Variants in TBL3 observed in about 807,000 individuals in gnomAD.
The protein encoded by TBL3 is transducin beta-like protein 3.
Under a neutral mutation model 102.7 loss-of-function variants are expected in TBL3, and 71 were observed. The observed-to-expected ratio is 0.69, with a 90% CI of 0.57 to 0.84. The LOEUF is 0.84. TBL3 is among the 40% of genes least tolerant of loss of function. The pLI is 0.00. For synonymous variants in TBL3, 578 were observed against 477.7 expected, an observed-to-expected ratio of 1.21 and a Z score of -2.74; for missense variants, 1,188 against 1,098.5, an observed-to-expected ratio of 1.08 and a Z score of -1.15.
Position 1,974,621 on chromosome 16 carries a change from A to G in TBL3, c.321A>G (p.Ile107Met). 1 of 1,610,792 alleles carries G rather than the reference A, an allele frequency of 6.2e-7. No homozygotes were observed. Among genetic ancestry groups the G allele is most frequent in the East Asian group, 2.2e-5 (1 of 44,788 alleles). Reference sequence around the variant, plus strand: ...GCGTTACCCGCCTGTGGAAGGCGATACACACGGCCCCCGTGGCCACCATGG... The same window carrying G: ...GCGTTACCCGCCTGTGGAAGGCGATGCACACGGCCCCCGTGGCCACCATGG... ...EGSVTRLWKA[I>M]HTAPVATMAF... Residue 107 changes from isoleucine (I) to methionine (M), a missense_variant, in exon 5 of 22, where the codon ATA (isoleucine) becomes ATG (methionine). By Grantham distance (10) the Ile-to-Met change is conservative. Coordinates refer to ENST00000568546, the MANE Select transcript of TBL3 (RefSeq NM_006453.3).
Position 1,979,212 on chromosome 16 carries a change from G to T in TBL3, c.*527G>T. On this transcript the variant is annotated 3_prime_UTR_variant, in exon 22 of 22. Coordinates refer to ENST00000568546, the MANE Select transcript of TBL3 (RefSeq NM_006453.3). ...GGGCACGGTGGGGGGAGGGGCGGTG[G>T]CCTGGGAGGGTTCAGGGAAGCCCCG... 1 of 1,476,334 alleles carries T rather than the reference G, an allele frequency of 6.8e-7. No individual in the cohort carries two copies. Among genetic ancestry groups the T allele is most frequent in the Non-Finnish European group, 8.9e-7 (1 of 1,120,988 alleles). 91.5% of individuals were successfully genotyped at this position (1,476,334 alleles called of 1,614,324 possible).
At position 1,980,264 on chromosome 16, in the gene TBL3, C is replaced by G; in HGVS notation, c.*1579C>G. ...GGCGCCACCCCGGCAAGACCGCCAG[C>G]CTCCCACTCTCTGCCCCTATTCGCT... On this transcript the variant is annotated 3_prime_UTR_variant, in exon 22 of 22. Transcript: ENST00000568546. 1 of 1,517,328 alleles carries G rather than the reference C, an allele frequency of 6.6e-7. No individual in the cohort carries two copies. Among genetic ancestry groups the G allele is most frequent in the Non-Finnish European group, 8.8e-7 (1 of 1,130,270 alleles). The allele number at this position is 1,517,328 out of a possible 1,614,324, so 94.0% of individuals were successfully genotyped here. A position where few individuals can be genotyped will look rare whatever the true frequency, so the allele number is the denominator to read the frequency against.
At chr16:1,974,901 C>T (rs1169269239) in intron 6 of TBL3, 27 bp from the exon 7 acceptor site, 1 of 1,612,484 alleles carries the variant, frequency 6.2e-7, no homozygotes, top group Admixed American at 1.7e-5. Flanking sequence ...CTGCACAGCT[C>T]ACCCATCCTG....
In TBL3 at chr16:1,978,955, G is replaced by GC. The variant is rs2083433570; in HGVS notation, c.*275dup. On this transcript the variant is annotated 3_prime_UTR_variant, in exon 22 of 22. Coordinates refer to ENST00000568546, the MANE Select transcript of TBL3 (RefSeq NM_006453.3). ...GCTTTACTCAGAGGAACAGCAAATG[G>GC]CCCCCTCCCATCCCTGCTGGCCAGG... The GC allele has an allele frequency of 3.2e-6, 4 of 1,250,280 alleles. No individual in the cohort carries two copies. The highest frequency in any genetic ancestry group is 2.8e-5 in the South Asian group (2 of 72,380). 77.4% of individuals were successfully genotyped at this position (1,250,280 alleles called of 1,614,324 possible).
chr16:1,974,354 G>A (rs3743850), intron 3 of TBL3, 22 bp from the exon 4 acceptor site: 44 of 1,602,034 alleles, frequency 2.7e-5, no homozygotes, highest in Non-Finnish European at 3.3e-5. Flanking sequence ...CACCGTGCTC[G>A]GCACACCACT....
rs2083385288 is a variant in TBL3, at chr16:1,974,648, C to T, written c.348C>T (p.Ala116=). The part of the protein sequence containing the change: ...AIHTAPVATM[A]FDPTSTLLAT... Reference sequence around the variant, plus strand: ...ACACGGCCCCCGTGGCCACCATGGCCTTCGACCCCACCTCCACTCTGCTAG... The same window carrying T: ...ACACGGCCCCCGTGGCCACCATGGCTTTCGACCCCACCTCCACTCTGCTAG... The change falls in exon 5 of 22, where the codon GCC becomes GCT. Residue 116 remains alanine (A), a synonymous_variant. Coordinates refer to ENST00000568546, the MANE Select transcript of TBL3 (RefSeq NM_006453.3). 1 of 1,609,078 alleles carries T rather than the reference C, an allele frequency of 6.2e-7. No individual in the cohort carries two copies. Among genetic ancestry groups the T allele is most frequent in the African/African-American group, 1.3e-5 (1 of 74,880 alleles).
In TBL3 at chr16:1,976,244, G is replaced by A; in HGVS notation, c.1222G>A (p.Ala408Thr). Residue 408 changes from alanine to threonine, a missense_variant, in exon 13 of 22, where the codon GCT (alanine) becomes ACT (threonine). By Grantham distance (58) the Ala-to-Thr change is moderately conservative. Transcript: ENST00000568546. ...CGTCCGTATCTGGAGAATGAACAAG[G>A]CTGGCCAGGTGATGTGCGTGGCTCA... ...QSVRIWRMNK[A>T]GQVMCVAQGS... The A allele has an allele frequency of 6.2e-7, 1 of 1,614,174 alleles. No individual in the cohort carries two copies. Among genetic ancestry groups the A allele is most frequent in the Non-Finnish European group, 8.5e-7 (1 of 1,180,036 alleles).
chr16:1,979,491 A>G lies in TBL3; in HGVS notation c.*806A>G. On this transcript the variant is annotated 3_prime_UTR_variant, in exon 22 of 22. Transcript: ENST00000568546. ...CACGCGCGCCCCCGCGGGCACGGAC[A>G]GCTCATCTGCGCGGCTGCTCTCGTA... The G allele has an allele frequency of 6.2e-7, 1 of 1,612,000 alleles. No individual in the cohort carries two copies. The highest frequency in any genetic ancestry group is 1.7e-4 in the Middle Eastern group (1 of 6,054).
At position 1,980,097 on chromosome 16, in the gene TBL3, GCT is replaced by G. The variant is rs776994085; in HGVS notation, c.*1415_*1416del. On this transcript the variant is annotated 3_prime_UTR_variant, in exon 22 of 22. Coordinates refer to ENST00000568546, the MANE Select transcript of TBL3 (RefSeq NM_006453.3). ...TACAGAAGGGCTGCAGGCAGCGCAGGCTCTGAGCCTCCAGACTGTGGATGGAG... is the reference window on the plus strand; with the variant it reads ...TACAGAAGGGCTGCAGGCAGCGCAGGCTGAGCCTCCAGACTGTGGATGGAG... The G allele has an allele frequency of 6.2e-6, 10 of 1,607,758 alleles. No individual in the cohort carries two copies. The South Asian group carries it at 1.1e-4, about 18-fold the overall frequency.
chr16:1,980,911 G>C lies in TBL3; in HGVS notation c.*2226G>C. On this transcript the variant is annotated 3_prime_UTR_variant, in exon 22 of 22. Transcript: ENST00000568546. ...AGCCGCGTGGGGAAGCCGCCACCGC[G>C]GCATCAGGGTGGCCCAGGGTCACTC... 2 of 1,599,272 alleles carry C rather than the reference G, an allele frequency of 1.3e-6. No homozygotes were observed. The highest frequency in any genetic ancestry group is 1.7e-6 in the Non-Finnish European group (2 of 1,168,890).
At position 1,974,262 on chromosome 16, in the gene TBL3, C is replaced by A; in HGVS notation, c.159C>A (p.Ala53=). Residue 53 remains alanine (A), a synonymous_variant, in exon 3 of 22, where the codon GCC becomes GCA. Coordinates refer to ENST00000568546, the MANE Select transcript of TBL3 (RefSeq NM_006453.3). The part of the protein sequence containing the change: ...CGTRVNILEV[A]SGAVLRSLEQ... Reference sequence around the variant, plus strand: ...CCAGAGTCAACATTCTGGAAGTGGCCTCGGGGGCCGTGCTGCGGAGTCTGG... The same window carrying A: ...CCAGAGTCAACATTCTGGAAGTGGCATCGGGGGCCGTGCTGCGGAGTCTGG... 6.2e-7 allele frequency: 1 copy of A among 1,602,470 alleles called. No homozygotes were observed. The highest frequency in any genetic ancestry group is 1.7e-5 in the Admixed American group (1 of 59,254).
At chr16:1,973,466 T>A (rs2083375311) in intron 1 of TBL3, among the ~76,000 whole-genome samples, 1 of 151,000 alleles carries the variant, frequency 6.6e-6, no homozygotes, top group Non-Finnish European at 1.5e-5. Context: ...TAAAAAGAGG[T>A]AGGTAGGGGG....
rs553033983 is a variant in TBL3, at chr16:1,978,306, C to T, written c.2135-7C>T. ...GGGCAAGACGATGAGGGTCCTGTTGCCCACAGAGGCCCTGCTGCGCTTCTG... is the reference window on the plus strand; with the variant it reads ...GGGCAAGACGATGAGGGTCCTGTTGTCCACAGAGGCCCTGCTGCGCTTCTG... On this transcript the variant is annotated splice_polypyrimidine_tract_variant and splice_region_variant and intron_variant, in intron 20 of 21. Transcript: ENST00000568546. The T allele has an allele frequency of 1.9e-6, 3 of 1,609,274 alleles. No individual in the cohort carries two copies. The highest frequency in any genetic ancestry group is 1.7e-6 in the Non-Finnish European group (2 of 1,177,770).
In TBL3 at chr16:1,976,233, G is replaced by A; in HGVS notation, c.1211G>A (p.Arg404Lys). The stretch of plus-strand genomic sequence containing the variant: ...CAGGATCAGAGCGTCCGTATCTGGA[G>A]AATGAACAAGGCTGGCCAGGTGATG... Reference protein sequence around the residue: ...CAKDQSVRIWRMNKAGQVMCV... With the variant: ...CAKDQSVRIWKMNKAGQVMCV... Residue 404 changes from arginine (R) to lysine (K), a missense_variant, in exon 13 of 22, where the codon AGA (arginine) becomes AAA (lysine). Transcript: ENST00000568546. 6.2e-7 allele frequency: 1 copy of A among 1,614,214 alleles called. No homozygotes were observed. The highest frequency in any genetic ancestry group is 1.1e-5 in the South Asian group (1 of 91,090).
chr16:1,976,739 C>G, intron 13 of TBL3, 75 bp from the exon 14 acceptor site: 2 of 1,581,680 alleles, frequency 1.3e-6, no homozygotes, highest in South Asian at 1.1e-5. Flanking sequence ...GGCTCCCAGC[C>G]TGGCCCTGTG....
At chr16:1,976,749 G>A in intron 13 of TBL3, 65 bp from the exon 14 acceptor site, 2 of 1,591,614 alleles carry the variant, frequency 1.3e-6, no homozygotes, top group East Asian at 2.2e-5. Context: ...CTGGCCCTGT[G>A]GGGAGCTGGC....
At chr16:1,976,699 C>A in intron 13 of TBL3, 115 bp from the exon 14 acceptor site, 2 of 1,334,994 alleles carry the variant, frequency 1.5e-6, no homozygotes, top group Non-Finnish European at 2.1e-6. Context: ...CAACCCGCAT[C>A]CTGGGACAGG....
Position 1,979,464 on chromosome 16 carries a change from C to T in TBL3, c.*779C>T, listed in dbSNP as rs557740237. The T allele has an allele frequency of 8.1e-6, 13 of 1,611,540 alleles. No homozygotes were observed. The highest frequency in any genetic ancestry group is 2.7e-5 in the African/African-American group (2 of 75,042). On this transcript the variant is annotated 3_prime_UTR_variant, in exon 22 of 22. Transcript: ENST00000568546. ...GCCGCGGTCTGACGTTTCCAACACG[C>T]GCACGCGCGCCCCCGCGGGCACGGA...
At chr16:1,972,336 G>C in intron 1 of TBL3, 131 bp downstream of exon 1, 1 of 1,046,132 alleles carries the variant, frequency 9.6e-7, no homozygotes, top group Non-Finnish European at 1.3e-6. Flanking sequence ...GGCCCGCGGG[G>C]TCGCGGAGGC....
Sources: allele counts gnomAD v4.1 joint callset (sites outside exome capture counted in the v4.1 genomes callset), GRCh38; gene constraint gnomAD v4.1.1; transcripts MANE v1.5; gene names NCBI Gene and HGNC (gene_info 2026-07-23, HGNC 2026-07-21).